DENND5B: variants seen among roughly 807,000 people sequenced by gnomAD.
DENND5B encodes DENN domain containing 5B.
Under a neutral mutation model 140.6 loss-of-function variants are expected in DENND5B, and 34 were observed. That is an observed-to-expected ratio of 0.24 (90% confidence interval 0.18 to 0.32). DENND5B has a LOEUF of 0.32. Ranked by LOEUF, DENND5B falls within the 10% of genes least tolerant of loss-of-function variation. DENND5B has a pLI of 1.00. For synonymous variants in DENND5B, 551 were observed against 562.1 expected, an observed-to-expected ratio of 0.98 and a Z score of 0.28; for missense variants, 1,142 against 1,560.2, an observed-to-expected ratio of 0.73 and a Z score of 4.52.
chr12:31,562,683 T>G (rs925009437), intron 1 of DENND5B, among the ~76,000 whole-genome samples: 3 of 152,190 alleles, frequency 2.0e-5, no homozygotes, highest in Non-Finnish European at 2.9e-5. Flanking sequence ...TGTGTAATGA[T>G]AGCAGTTTTG....
intron 13 of DENND5B, among the ~76,000 whole-genome samples, chr12:31,411,336 C>CTTT (rs143130029): frequency 8.0e-5 from 5 of 62,112 alleles, no homozygotes; most frequent in African/African-American, 1.9e-4. Context: ...CACGCCCGGC[C>CTTT]TTTTTTTTTT....
At chr12:31,546,603 C>T (rs1948870396) in intron 1 of DENND5B, among the ~76,000 whole-genome samples, 1 of 152,156 alleles carries the variant, frequency 6.6e-6, no homozygotes, top group South Asian at 2.1e-4. Flanking sequence ...AGGAGAATCG[C>T]TTGAACCAGG....
chr12:31,581,243 A>C (rs1950200732), intron 1 of DENND5B, among the ~76,000 whole-genome samples: 1 of 152,198 alleles, frequency 6.6e-6, no homozygotes, highest in Admixed American at 6.5e-5. Flanking sequence ...GATCTCAATG[A>C]CTATATTTGG....
At chr12:31,435,977 T>C (rs982006668) in intron 7 of DENND5B, among the ~76,000 whole-genome samples, 1 of 152,104 alleles carries the variant, frequency 6.6e-6, no homozygotes, top group African/African-American at 2.4e-5. Context: ...TTTGTATTTT[T>C]TGTAGAGACA....
intron 1 of DENND5B, among the ~76,000 whole-genome samples, chr12:31,581,870 A>T (rs1348440491): frequency 6.6e-6 from 1 of 152,138 alleles, no homozygotes; most frequent in African/African-American, 2.4e-5. Context: ...CAAGCCCCTT[A>T]CATAAAATCG....
chr12:31,442,781 C>T lies in DENND5B; in HGVS notation c.2006G>A (p.Ser669Asn), dbSNP rs778476104. ...AAGTGAAGAACATGCTTACTTGTTA[C>T]TGGTTGGTCCTGTTGCCAAGACATC... Reference protein sequence around the residue: ...QSDVLATGPTSNNRWVSRSAT... With the variant: ...QSDVLATGPTNNNRWVSRSAT... Residue 669 changes from serine to asparagine, a missense_variant, in exon 7 of 21, where the codon AGT (serine) becomes AAT (asparagine). Ser to Asn is a conservative substitution (Grantham distance 46, BLOSUM62 1). Around this residue, in one of 5 missense-constraint regions of DENND5B, gnomAD observed 708 missense variants for 905.5 expected, o/e 0.78. Transcript: ENST00000389082. 1.9e-6 allele frequency: 3 copies of T among 1,612,936 alleles called. No homozygotes were observed. Among genetic ancestry groups the T allele is most frequent in the Non-Finnish European group, 1.7e-6 (2 of 1,179,488 alleles).
intron 1 of DENND5B, among the ~76,000 whole-genome samples, chr12:31,551,792 T>C (rs907826920): frequency 6.6e-6 from 1 of 152,222 alleles, no homozygotes; most frequent in Non-Finnish European, 1.5e-5. Context: ...CCCTTGTAAG[T>C]TGGATTCCTA....
chr12:31,576,318 T>C (rs1368456684), intron 1 of DENND5B, among the ~76,000 whole-genome samples: 1 of 151,726 alleles, frequency 6.6e-6, no homozygotes, highest in African/African-American at 2.4e-5. Flanking sequence ...CCAAGCGTAG[T>C]GGCAGACGCC....
intron 6 of DENND5B, among the ~76,000 whole-genome samples, chr12:31,446,851 C>T (rs949776917): frequency 2.7e-5 from 4 of 148,684 alleles, no homozygotes; most frequent in African/African-American, 1.0e-4. Context: ...GGCGCCACTG[C>T]ACTCCAGCCT....
chr12:31,456,586 T>G (rs11051437), intron 4 of DENND5B, among the ~76,000 whole-genome samples: 2 of 151,986 alleles, frequency 1.3e-5, no homozygotes, highest in South Asian at 4.1e-4. Context: ...ACACAAATAG[T>G]GTATGAGACA....
At chr12:31,433,886 T>C (rs1943629247) in intron 7 of DENND5B, among the ~76,000 whole-genome samples, 1 of 152,130 alleles carries the variant, frequency 6.6e-6, no homozygotes, top group African/African-American at 2.4e-5. Flanking sequence ...CCTTAGCTAC[T>C]TGGGAGGCTG....
At chr12:31,563,311 C>T (rs1274581264) in intron 1 of DENND5B, among the ~76,000 whole-genome samples, 1 of 152,194 alleles carries the variant, frequency 6.6e-6, no homozygotes, top group Admixed American at 6.5e-5. Flanking sequence ...AATGGAAAGA[C>T]TGATCCTACT....
chr12:31,440,455 T>C (rs1943981810), intron 7 of DENND5B, among the ~76,000 whole-genome samples: 1 of 152,252 alleles, frequency 6.6e-6, no homozygotes, highest in African/African-American at 2.4e-5. Context: ...AGTCATTAGT[T>C]ATTTGCTTCT....
At chr12:31,419,350 G>A (rs1942911961) in intron 11 of DENND5B, among the ~76,000 whole-genome samples, 1 of 152,084 alleles carries the variant, frequency 6.6e-6, no homozygotes, top group Non-Finnish European at 1.5e-5. Context: ...TTGGGAGGCA[G>A]AGGCAGGAGA....
At chr12:31,548,376 A>T (rs892052039) in intron 1 of DENND5B, among the ~76,000 whole-genome samples, 1 of 148,260 alleles carries the variant, frequency 6.7e-6, no homozygotes. Context: ...CTTAGGCAAC[A>T]TCTGTCTCAA....
intron 2 of DENND5B, among the ~76,000 whole-genome samples, chr12:31,489,474 C>A (rs1281712832): frequency 6.6e-6 from 1 of 152,108 alleles, no homozygotes; most frequent in Non-Finnish European, 1.5e-5. Context: ...GGACTCTGTT[C>A]GAGATATCAT....
At position 31,497,076 on chromosome 12, in the gene DENND5B, G is replaced by A. The variant is rs562794321; in HGVS notation, c.128-1157C>T. On this transcript the variant is annotated intron_variant, in intron 1 of 20. Coordinates refer to ENST00000389082, the MANE Select transcript of DENND5B (RefSeq NM_144973.4). Reference sequence around the variant, plus strand: ...ATGAATTGTATTTGACTTCTAGTTAGACTCAGTTTCTATTTTGGGTAAAAA... The same window carrying A: ...ATGAATTGTATTTGACTTCTAGTTAAACTCAGTTTCTATTTTGGGTAAAAA... Among the ~76,000 whole-genome samples, 4 of 151,366 alleles carry A rather than the reference G, an allele frequency of 2.6e-5. No homozygotes were observed. In the South Asian group the frequency reaches 6.3e-4, roughly 24 times the overall value.
chr12:31,516,486 A>C (rs1362224141), intron 1 of DENND5B, among the ~76,000 whole-genome samples: 1 of 151,588 alleles, frequency 6.6e-6, no homozygotes, highest in Non-Finnish European at 1.5e-5. Flanking sequence ...TCAAAAAAAA[A>C]AAAAAAAAAA....
chr12:31,556,014 T>C (rs1449084166), intron 1 of DENND5B, among the ~76,000 whole-genome samples: 2 of 152,202 alleles, frequency 1.3e-5, no homozygotes, highest in African/African-American at 4.8e-5. Context: ...CCGGGTGAGG[T>C]GATGCCTCGC....
Sources: gnomAD v4.1 joint callset for allele counts (sites outside exome capture counted in the v4.1 genomes callset) on GRCh38, gnomAD v4.1.1 for gene constraint, gnomAD v4.1.1 regional missense constraint, MANE v1.5 for transcripts, NCBI Gene and HGNC (gene_info 2026-07-23, HGNC 2026-07-21) for gene names.